UGGT2: variants seen among roughly 807,000 people sequenced by gnomAD.
UGGT2 encodes the protein UDP-glucose glycoprotein glucosyltransferase 2, also known as UDP-glucose:glycoprotein glucosyltransferase 2.
A neutral mutation model predicts 192.1 loss-of-function variants in UGGT2; 180 were observed. The observed-to-expected ratio is 0.94, with a 90% CI of 0.83 to 1.06. The LOEUF is 1.06. Among genes scored for constraint, UGGT2 ranks in the 50% least tolerant of loss-of-function variants. The pLI, the probability that UGGT2 is intolerant of heterozygous loss-of-function variation, is 0.00. For synonymous variants in UGGT2, 580 were observed against 591.0 expected (o/e 0.98, Z 0.27); for missense variants, 1,849 against 1,795.7 (o/e 1.03, Z -0.54).
intron 4 of UGGT2, 52 bp downstream of exon 4, chr13:96,022,988 G>A: frequency 7.6e-7 from 1 of 1,320,782 alleles, no homozygotes; most frequent in Non-Finnish European, 1.0e-6. Flanking sequence ...TTCTGCTATT[G>A]AACTCTCCTC....
intron 2 of UGGT2, among the ~76,000 whole-genome samples, chr13:96,026,053 ATAAT>A (rs2052654172): frequency 6.6e-6 from 1 of 152,176 alleles, no homozygotes. Flanking sequence ...ATGGAACAGA[ATAAT>A]TAAAGAAAAC....
intron 1 of UGGT2, among the ~76,000 whole-genome samples, chr13:96,048,105 A>T (rs1215369611): frequency 6.6e-5 from 10 of 152,214 alleles, no homozygotes; most frequent in Non-Finnish European, 1.0e-4. Context: ...TCCTCAGCAA[A>T]TGTAAAAGAA....
Position 95,887,803 on chromosome 13 carries a change from G to T in UGGT2, c.3038+89C>A, listed in dbSNP as rs147183170. The T allele has an allele frequency of 4.0e-4, 313 of 790,542 alleles. No individual in the cohort carries two copies. The African/African-American group carries it at 4.9e-3, about 12-fold the overall frequency. 49.0% of individuals were successfully genotyped at this position (790,542 alleles called of 1,614,324 possible). A position where few individuals can be genotyped will look rare whatever the true frequency, so the allele number is the denominator to read the frequency against. On this transcript the variant is annotated intron_variant, in intron 26 of 38. Coordinates refer to ENST00000376747, the MANE Select transcript of UGGT2 (RefSeq NM_020121.4). Reference sequence around the variant, plus strand: ...TCTTTGAAGCATCTTGTGAAGAAAAGAAAAAACCAGGTCCAGTAACAATGA... The same window carrying T: ...TCTTTGAAGCATCTTGTGAAGAAAATAAAAAACCAGGTCCAGTAACAATGA...
At chr13:95,992,559 G>A (rs1036183203) in intron 7 of UGGT2, among the ~76,000 whole-genome samples, 2 of 152,150 alleles carry the variant, frequency 1.3e-5, no homozygotes, top group Non-Finnish European at 2.9e-5. Flanking sequence ...ACTTACAGAA[G>A]TTGTTTATCA....
At chr13:95,925,595 GA>G in intron 20 of UGGT2, 84 bp downstream of exon 20, 1 of 908,192 alleles carries the variant, frequency 1.1e-6, no homozygotes, top group South Asian at 3.3e-5. Context: ...ACATGGAGGG[GA>G]AAATATTTAA....
chr13:95,934,847 A>G lies in UGGT2; in HGVS notation c.1977+2077T>C, dbSNP rs188427490. 7.8e-4 allele frequency among the ~76,000 whole-genome samples: 119 copies of G among 152,304 alleles called. 1 individual carries two copies. The South Asian group carries it at 0.023, about 30-fold the overall frequency. Reference sequence around the variant, plus strand: ...ATTTTTGTCTGACTGGGTTAGTTCAATAACAGTGGGTGAGTTGAAGTCTCC... The same window carrying G: ...ATTTTTGTCTGACTGGGTTAGTTCAGTAACAGTGGGTGAGTTGAAGTCTCC... On this transcript the variant is annotated intron_variant, in intron 17 of 38. Coordinates refer to ENST00000376747, the MANE Select transcript of UGGT2 (RefSeq NM_020121.4).
At chr13:95,875,077 G>C (rs1345958128) in intron 29 of UGGT2, among the ~76,000 whole-genome samples, 1 of 152,046 alleles carries the variant, frequency 6.6e-6, no homozygotes, top group African/African-American at 2.4e-5. Context: ...GTGAAAAACA[G>C]CTCCTGTTAC....
chr13:95,967,149 G>A (rs2050606892), intron 12 of UGGT2, among the ~76,000 whole-genome samples: 2 of 151,314 alleles, frequency 1.3e-5, no homozygotes, highest in African/African-American at 4.8e-5. Flanking sequence ...GGCACCACAG[G>A]CATAACCTTT....
Position 95,903,057 on chromosome 13 carries a change from T to C in UGGT2, c.2299A>G (p.Thr767Ala). 4 of 1,608,496 alleles carry C rather than the reference T, an allele frequency of 2.5e-6. No homozygotes were observed. Among genetic ancestry groups the C allele is most frequent in the Non-Finnish European group, 2.5e-6 (3 of 1,178,604 alleles). ...ATCCCCAACCGACTATGAACACTTG[T>C]TTTCTGCAAACATATTTATAGATTA... is the stretch of plus-strand genomic sequence containing the variant. ...LLFNALKHMK[T>A]SVHSRLGIIY... Residue 767 changes from threonine (T) to alanine (A), a missense_variant, in exon 21 of 39, where the codon ACA becomes GCA. Physicochemically the swap from Thr to Ala is moderately conservative, Grantham distance 58. Coordinates refer to ENST00000376747, the MANE Select transcript of UGGT2 (RefSeq NM_020121.4).
At chr13:95,958,848 TG>T (rs367579649) in intron 12 of UGGT2, among the ~76,000 whole-genome samples, 7 of 152,088 alleles carry the variant, frequency 4.6e-5, no homozygotes, top group African/African-American at 1.7e-4. Flanking sequence ...GCAAGGAAAG[TG>T]TAAGTGAGAG....
chr13:95,819,166 T>C (rs900997190), intron 38 of UGGT2, among the ~76,000 whole-genome samples: 14 of 152,212 alleles, frequency 9.2e-5, no homozygotes, highest in African/African-American at 3.1e-4. Context: ...TAAATATTGA[T>C]AATATATTAC....
At chr13:95,933,863 T>TTA (rs2140491486) in intron 17 of UGGT2, among the ~76,000 whole-genome samples, 1 of 152,052 alleles carries the variant, frequency 6.6e-6, no homozygotes, top group East Asian at 1.9e-4. Flanking sequence ...TTTTTGTACT[T>TTA]TTAGTAGAGA....
chr13:95,855,452 CATA>C (rs1389341819), intron 34 of UGGT2, among the ~76,000 whole-genome samples: 1 of 147,400 alleles, frequency 6.8e-6, no homozygotes, highest in Non-Finnish European at 1.5e-5. Context: ...AAGGAAAAGT[CATA>C]ATTTTTGGAC....
intron 30 of UGGT2, among the ~76,000 whole-genome samples, chr13:95,866,512 A>G (rs187176909): frequency 1.6e-4 from 24 of 152,290 alleles, no homozygotes; most frequent in Non-Finnish European, 2.9e-4. Context: ...CATCTGGAAG[A>G]ATATTAGTAC....
intron 38 of UGGT2, among the ~76,000 whole-genome samples, chr13:95,807,165 A>C (rs950656007): frequency 1.3e-5 from 2 of 152,342 alleles, no homozygotes; most frequent in African/African-American, 4.8e-5. Flanking sequence ...CAATAAAGGA[A>C]GCTAGAGAAA....
At chr13:95,922,244 T>C (rs183069798) in intron 20 of UGGT2, among the ~76,000 whole-genome samples, 215 of 152,178 alleles carry the variant, frequency 1.4e-3, no homozygotes, top group African/African-American at 4.7e-3. Flanking sequence ...ATGTGGGAGC[T>C]AAACAATGGA....
intron 29 of UGGT2, among the ~76,000 whole-genome samples, chr13:95,875,677 G>T (rs759935209): frequency 6.6e-6 from 1 of 152,018 alleles, no homozygotes; most frequent in Non-Finnish European, 1.5e-5. Flanking sequence ...TTTTCTTGAG[G>T]TACTATATCA....
At chr13:96,031,767 T>C (rs916566353) in intron 2 of UGGT2, 122 bp downstream of exon 2, 3 of 643,836 alleles carry the variant, frequency 4.7e-6, no homozygotes, top group Middle Eastern at 6.5e-4. Flanking sequence ...TCAAATTTAA[T>C]GTTCGGATTT....
intron 10 of UGGT2, among the ~76,000 whole-genome samples, chr13:95,975,017 G>A (rs1349210186): frequency 6.6e-6 from 1 of 152,106 alleles, no homozygotes; most frequent in African/African-American, 2.4e-5. Context: ...GGAGGTGGAG[G>A]TTGCAGTGAG....
Sources: gnomAD v4.1 joint callset for allele counts (sites outside exome capture counted in the v4.1 genomes callset) on GRCh38, gnomAD v4.1.1 for gene constraint, MANE v1.5 for transcripts, NCBI Gene and HGNC (gene_info 2026-07-23, HGNC 2026-07-21) for gene names.